Variants in EFCAB7 observed in about 807,000 individuals in gnomAD.
EFCAB7 encodes the protein EF-hand calcium binding domain 7, also known as EF-hand calcium-binding domain-containing protein 7.
A neutral mutation model predicts 77.1 loss-of-function variants in EFCAB7; 66 were observed. The ratio of observed to expected loss-of-function variants is 0.86; its 90% CI spans 0.70 to 1.05. EFCAB7 has a LOEUF of 1.05. Ranked by LOEUF, EFCAB7 falls within the 50% of genes least tolerant of loss-of-function variation. EFCAB7 has a pLI of 0.00. For synonymous variants in EFCAB7, 225 were observed against 243.3 expected, an observed-to-expected ratio of 0.92 and a Z score of 0.70; for missense variants, 638 against 730.5, an observed-to-expected ratio of 0.87 and a Z score of 1.46.
In EFCAB7 at chr1:63,561,871, A is replaced by T; in HGVS notation, c.1497+14A>T. On this transcript the variant is annotated intron_variant, in intron 11 of 13. Coordinates refer to ENST00000371088, the MANE Select transcript of EFCAB7 (RefSeq NM_032437.4). ...GAGTTGACAGAGGTAAAGTATTCTT[A>T]AACTTTTGCCAATGGGTTTAATGTA... 1 of 1,548,964 alleles carries T rather than the reference A, an allele frequency of 6.5e-7. No homozygotes were observed. Among genetic ancestry groups the T allele is most frequent in the Non-Finnish European group, 8.7e-7 (1 of 1,150,102 alleles).
chr1:63,539,486 A>T (rs1314854472), intron 6 of EFCAB7, among the ~76,000 whole-genome samples: 2 of 152,198 alleles, frequency 1.3e-5, no homozygotes, highest in East Asian at 3.8e-4. Flanking sequence ...AAACTGGCTT[A>T]AAAAATCACT....
chr1:63,553,158 A>G (rs1176692219), intron 8 of EFCAB7, among the ~76,000 whole-genome samples: 1 of 152,216 alleles, frequency 6.6e-6, no homozygotes, highest in Non-Finnish European at 1.5e-5. Context: ...GTGCCCATGA[A>G]AAAACTTTCC....
At chr1:63,542,531 A>G (rs1646840496) in intron 6 of EFCAB7, among the ~76,000 whole-genome samples, 1 of 152,210 alleles carries the variant, frequency 6.6e-6, no homozygotes. Flanking sequence ...TTACCATACT[A>G]TTATTCACAA....
the EFCAB7 span, among the ~76,000 whole-genome samples, chr1:63,584,122 C>T: frequency 6.6e-6 from 1 of 152,142 alleles, no homozygotes; most frequent in African/African-American, 2.4e-5. Context: ...TGACATGAGA[C>T]AGTCTGGCAT....
intron 3 of EFCAB7, 72 bp from the exon 4 acceptor site, chr1:63,532,598 C>T: frequency 8.8e-7 from 1 of 1,133,994 alleles, no homozygotes; most frequent in South Asian, 1.6e-5. Flanking sequence ...TTAAAATGTG[C>T]TTCCACTGTC....
chr1:63,537,123 G>T (rs1196975156), intron 6 of EFCAB7, among the ~76,000 whole-genome samples: 1 of 152,090 alleles, frequency 6.6e-6, no homozygotes, highest in East Asian at 1.9e-4. Flanking sequence ...CTTTCCATTG[G>T]CCATACTTAG....
chr1:63,582,144 CAAAGT>C, the EFCAB7 span, among the ~76,000 whole-genome samples: 1 of 152,152 alleles, frequency 6.6e-6, no homozygotes, highest in South Asian at 2.1e-4. Context: ...AATTGCATAT[CAAAGT>C]AAAGAAATGA....
the EFCAB7 span, among the ~76,000 whole-genome samples, chr1:63,581,415 C>T: frequency 6.9e-6 from 1 of 145,540 alleles, no homozygotes; most frequent in African/African-American, 2.5e-5. Flanking sequence ...AGGGTGGATG[C>T]TCAATGTTGT....
rs12047159 is a variant in EFCAB7, at chr1:63,565,947, T to A, written c.1498-2363T>A. 2.2e-4 allele frequency among the ~76,000 whole-genome samples: 34 copies of A among 152,308 alleles called. 1 individual carries two copies. In the East Asian group the frequency reaches 6.6e-3, roughly 29 times the overall value. On this transcript the variant is annotated intron_variant, in intron 11 of 13. Coordinates refer to ENST00000371088, the MANE Select transcript of EFCAB7 (RefSeq NM_032437.4). ...CCATTGTGGAAGACAGTATGGTGAT[T>A]CCTCAAAGACCTAAAGACAAATACC...
intron 8 of EFCAB7, among the ~76,000 whole-genome samples, chr1:63,554,403 C>T (rs1312436938): frequency 3.3e-5 from 5 of 152,128 alleles, no homozygotes; most frequent in Non-Finnish European, 7.4e-5. Context: ...TACAATGGCA[C>T]GATCTCAGCT....
chr1:63,526,377 T>C (rs1233524925), intron 2 of EFCAB7, among the ~76,000 whole-genome samples: 1 of 152,202 alleles, frequency 6.6e-6, no homozygotes, highest in Non-Finnish European at 1.5e-5. Context: ...ACAACAGTAC[T>C]AGATAACACT....
chr1:63,555,641 G>T, intron 9 of EFCAB7, 126 bp downstream of exon 9: 1 of 753,452 alleles, frequency 1.3e-6, no homozygotes, highest in Non-Finnish European at 2.0e-6. Flanking sequence ...TTCAACTCTT[G>T]TGAACAACCT....
At chr1:63,566,220 A>T (rs533178297) in intron 11 of EFCAB7, among the ~76,000 whole-genome samples, 5 of 152,358 alleles carry the variant, frequency 3.3e-5, no homozygotes, top group African/African-American at 1.2e-4. Context: ...GCTGGAAGCC[A>T]TTATCCTTAG....
At chr1:63,538,479 A>G (rs565611710) in intron 6 of EFCAB7, among the ~76,000 whole-genome samples, 2 of 150,396 alleles carry the variant, frequency 1.3e-5, no homozygotes, top group African/African-American at 4.9e-5. Context: ...TTTGAGATGG[A>G]GTCTCACTCT....
Position 63,534,096 on chromosome 1 carries a change from T to G in EFCAB7, c.684T>G (p.Gly228=). Residue 228 remains glycine (G), a splice_region_variant and synonymous_variant, in exon 6 of 14, where the codon GGT becomes GGG. Coordinates refer to ENST00000371088, the MANE Select transcript of EFCAB7 (RefSeq NM_032437.4). ...KTDPETFLNK[G]DTRSSLLSAT... is the part of the protein sequence containing the mutation. ...CCAAATAATCATTACTTGTTGCAGG[T>G]GACACCAGGAGTTCTTTACTGTCAG... The G allele has an allele frequency of 6.2e-7, 1 of 1,612,726 alleles. No individual in the cohort carries two copies. Among genetic ancestry groups the G allele is most frequent in the Non-Finnish European group, 8.5e-7 (1 of 1,179,274 alleles).
At chr1:63,557,912 G>A (rs1445203959) in intron 10 of EFCAB7, among the ~76,000 whole-genome samples, 2 of 152,212 alleles carry the variant, frequency 1.3e-5, no homozygotes, top group Admixed American at 6.5e-5. Flanking sequence ...CCAGAATTCA[G>A]TCAAGAGAGA....
At chr1:63,562,448 TTTATATATATATATA>T (rs1647115436) in intron 11 of EFCAB7, among the ~76,000 whole-genome samples, 3 of 44,890 alleles carry the variant, frequency 6.7e-5, no homozygotes, top group African/African-American at 9.1e-5. Context: ...TCTTAATTTA[TTTATATATATATATA>T]TATATATATA....
chr1:63,537,764 C>T (rs1038687481), intron 6 of EFCAB7, among the ~76,000 whole-genome samples: 6 of 152,124 alleles, frequency 3.9e-5, no homozygotes, highest in Non-Finnish European at 8.8e-5. Flanking sequence ...AAGCAAATAG[C>T]TTCCTAATAA....
Position 63,557,141 on chromosome 1 carries a change from AATTG to A in EFCAB7, c.1246_1249del (p.Asp416Ter), listed in dbSNP as rs1208413844. The A allele has an allele frequency of 6.3e-7, 1 of 1,595,626 alleles. No homozygotes were observed. Among genetic ancestry groups the A allele is most frequent in the East Asian group, 2.2e-5 (1 of 44,498 alleles). On this transcript the variant is annotated frameshift_variant, in exon 10 of 14. Coordinates refer to ENST00000371088, the MANE Select transcript of EFCAB7 (RefSeq NM_032437.4). LOFTEE classifies it high-confidence loss of function. ...CTACTTTATCAGATATATTTGAAGT[AATTG>A]ATTTAGATGGAAATGGTCTTCTTAG...
Sources: allele counts gnomAD v4.1 joint callset (sites outside exome capture counted in the v4.1 genomes callset), GRCh38; gene constraint gnomAD v4.1.1; transcripts MANE v1.5; gene names NCBI Gene and HGNC (gene_info 2026-07-23, HGNC 2026-07-21).